GALNT13: variants seen among roughly 807,000 people sequenced by gnomAD.
The protein encoded by GALNT13 is UDP-GalNAc:polypeptide N-acetylgalactosaminyltransferase 13.
Under a neutral mutation model 64.2 loss-of-function variants are expected in GALNT13, and 28 were observed. The ratio of observed to expected loss-of-function variants is 0.44; its 90% confidence interval spans 0.32 to 0.60. The LOEUF is 0.60. GALNT13 is among the 20% of genes least tolerant of loss of function. GALNT13 has a pLI of 0.05. For missense variants in GALNT13, 577 were observed against 669.8 expected (o/e 0.86, Z 1.53); for synonymous variants, 214 against 224.6 (o/e 0.95, Z 0.42).
chr2:154,217,956 A>T (rs181048197), intron 4 of GALNT13, among the ~76,000 whole-genome samples: 3 of 152,230 alleles, frequency 2.0e-5, no homozygotes, highest in African/African-American at 7.2e-5. Context: ...AGGAGGCTTA[A>T]ATGACAGGAA....
At chr2:153,583,594 A>C in the GALNT13 span, among the ~76,000 whole-genome samples, 95 of 152,298 alleles carry the variant, frequency 6.2e-4, no homozygotes, top group East Asian at 0.011. Context: ...CTGCGGAATC[A>C]TGCAATCTGG....
At chr2:153,281,864 CTA>C in the GALNT13 span, among the ~76,000 whole-genome samples, 1 of 148,964 alleles carries the variant, frequency 6.7e-6, no homozygotes, top group Non-Finnish European at 1.5e-5. Context: ...AGTCTGGTGA[CTA>C]TATGTTTTGG....
At chr2:153,218,568 A>C in the GALNT13 span, among the ~76,000 whole-genome samples, 1 of 152,178 alleles carries the variant, frequency 6.6e-6, no homozygotes, top group Admixed American at 6.5e-5. Context: ...ACAGTGGCTC[A>C]TGTACCCCTC....
chr2:153,873,089 A>C (rs974384392), intron 1 of GALNT13, among the ~76,000 whole-genome samples: 4 of 151,776 alleles, frequency 2.6e-5, no homozygotes, highest in African/African-American at 7.3e-5. Flanking sequence ...TCCCTCTGTC[A>C]TCTCTCTGCC....
the GALNT13 span, among the ~76,000 whole-genome samples, chr2:153,645,929 C>T: frequency 6.6e-6 from 1 of 152,030 alleles, no homozygotes; most frequent in African/African-American, 2.4e-5. Context: ...CAAAATGTTA[C>T]TAAAATTTTA....
intron 3 of GALNT13, among the ~76,000 whole-genome samples, chr2:154,014,141 G>A (rs1325127878): frequency 6.6e-6 from 1 of 152,184 alleles, no homozygotes; most frequent in Non-Finnish European, 1.5e-5. Context: ...AAGCCACTTA[G>A]AGGAGCTTGG....
chr2:153,222,437 C>G, the GALNT13 span, among the ~76,000 whole-genome samples: 3 of 58,912 alleles, frequency 5.1e-5, no homozygotes, highest in African/African-American at 2.0e-4. Flanking sequence ...AGTTCTCACT[C>G]CCGGCAGCCT....
At chr2:153,538,326 C>CTTTTTTTTTTTTTTTTTTTTT in the GALNT13 span, among the ~76,000 whole-genome samples, 12 of 100,838 alleles carry the variant, frequency 1.2e-4, no homozygotes, top group Admixed American at 3.8e-4. Context: ...TTTTTTAATT[C>CTTTTTTTTTTTTTTTTTTTTT]TTTTTTTTTT....
the GALNT13 span, among the ~76,000 whole-genome samples, chr2:153,671,506 G>T: frequency 2.7e-4 from 41 of 152,304 alleles, no homozygotes; most frequent in African/African-American, 9.9e-4. Context: ...AATGCTGAGA[G>T]ATTTTGTCAC....
chr2:153,243,128 C>T, the GALNT13 span, among the ~76,000 whole-genome samples: 1 of 152,300 alleles, frequency 6.6e-6, no homozygotes, highest in East Asian at 1.9e-4. Context: ...GATATGCACA[C>T]ATCCCCACCC....
At chr2:154,016,124 C>G (rs75976062) in intron 3 of GALNT13, among the ~76,000 whole-genome samples, 1 of 152,032 alleles carries the variant, frequency 6.6e-6, no homozygotes, top group Non-Finnish European at 1.5e-5. Context: ...GAAACATGAC[C>G]CCTTGATTGA....
At chr2:153,201,504 G>A in the GALNT13 span, among the ~76,000 whole-genome samples, 1 of 152,140 alleles carries the variant, frequency 6.6e-6, no homozygotes, top group African/African-American at 2.4e-5. Context: ...TATGTCATCA[G>A]CTAGTTAGTA....
At chr2:154,016,391 A>T (rs966649537) in intron 3 of GALNT13, among the ~76,000 whole-genome samples, 2 of 152,096 alleles carry the variant, frequency 1.3e-5, no homozygotes, top group East Asian at 3.9e-4. Flanking sequence ...CTCTATTCAG[A>T]AGATTTATAT....
At chr2:153,873,729 G>T (rs771380232) in intron 1 of GALNT13, among the ~76,000 whole-genome samples, 18 of 152,118 alleles carry the variant, frequency 1.2e-4, no homozygotes, top group Non-Finnish European at 2.5e-4. Context: ...AAGGCACTTG[G>T]CTGCCAAAGC....
At chr2:154,017,118 G>C (rs1462479573) in intron 3 of GALNT13, among the ~76,000 whole-genome samples, 1 of 152,082 alleles carries the variant, frequency 6.6e-6, no homozygotes, top group African/African-American at 2.4e-5. Context: ...TATCCACAGG[G>C]AGCTGTATCC....
At chr2:153,593,818 C>A in the GALNT13 span, among the ~76,000 whole-genome samples, 1 of 152,036 alleles carries the variant, frequency 6.6e-6, no homozygotes, top group Non-Finnish European at 1.5e-5. Flanking sequence ...AACCACTGAC[C>A]CATTTTCTGG....
At chr2:154,072,406 A>T (rs1700779225) in intron 3 of GALNT13, among the ~76,000 whole-genome samples, 1 of 152,106 alleles carries the variant, frequency 6.6e-6, no homozygotes, top group Non-Finnish European at 1.5e-5. Flanking sequence ...TTTATGATGG[A>T]ACACATTTAT....
chr2:153,863,805 TAC>T, the GALNT13 span, among the ~76,000 whole-genome samples: 1 of 152,194 alleles, frequency 6.6e-6, no homozygotes, highest in East Asian at 1.9e-4. Flanking sequence ...GAAGCAATGA[TAC>T]AGTCTCTACC....
the GALNT13 span, among the ~76,000 whole-genome samples, chr2:153,323,033 C>T: frequency 1.3e-5 from 2 of 152,100 alleles, no homozygotes; most frequent in East Asian, 1.9e-4. Context: ...ATTGCTGGGT[C>T]AAATGGTATT....
Sources: gnomAD v4.1 joint callset for allele counts (sites outside exome capture counted in the v4.1 genomes callset) on GRCh38, gnomAD v4.1.1 for gene constraint, MANE v1.5 for transcripts, NCBI Gene and HGNC (gene_info 2026-07-23, HGNC 2026-07-21) for gene names.